The following RLN3 variants were observed in gnomAD, a reference collection of about 807,000 sequenced individuals.
The protein encoded by RLN3 is relaxin 3, also known as relaxin-3.
Under a neutral mutation model 10.2 loss-of-function variants are expected in RLN3, and 13 were observed. The ratio of observed to expected loss-of-function variants is 1.28; its 90% CI spans 0.83 to 2.03. The LOEUF (loss-of-function observed/expected upper bound fraction) is 2.03, where lower values mean the gene tolerates loss of function less well. RLN3 is among the 30% of genes most tolerant of loss of function. The pLI, the probability that RLN3 is intolerant of heterozygous loss-of-function variation, is 0.00. For synonymous variants in RLN3, 56 were observed against 79.2 expected (o/e 0.71, Z 1.56); for missense variants, 191 against 187.2 (o/e 1.02, Z -0.12).
Position 14,031,200 on chromosome 19 carries a change from TCCTGACC to T in RLN3, c.*260_*266del, listed in dbSNP as rs1975802157. 2.0e-6 allele frequency: 1 copy of T among 491,788 alleles called. No homozygotes were observed. The highest frequency in any genetic ancestry group is 3.7e-5 in the Admixed American group (1 of 26,670). The allele number at this position is 491,788 out of a possible 1,614,324, so 30.5% of individuals were successfully genotyped here. On this transcript the variant is annotated 3_prime_UTR_variant, in exon 2 of 2. Coordinates refer to ENST00000431365, the MANE Select transcript of RLN3 (RefSeq NM_080864.4). ...GCCTGGTCAAGTGGGGACCCCCCCA[TCCTGACC>T]CCTGACCTCTCCCCAGCCCTAACCA...
chr19:14,029,321 C>T (rs1351103183), intron 1 of RLN3, among the ~76,000 whole-genome samples: 1 of 151,490 alleles, frequency 6.6e-6, no homozygotes, highest in African/African-American at 2.4e-5. Context: ...GATAGTAGCT[C>T]TACAATGTAA....
intron 1 of RLN3, among the ~76,000 whole-genome samples, chr19:14,029,840 A>T (rs866260014): frequency 5.6e-5 from 7 of 125,626 alleles, no homozygotes; most frequent in African/African-American, 1.7e-4. Context: ...TATTATTATT[A>T]TTTTTGAGAC....
In RLN3 at chr19:14,030,957, C is replaced by T. The variant is rs1975795686; in HGVS notation, c.*9C>T. The T allele has an allele frequency of 1.9e-6, 3 of 1,539,186 alleles. No individual in the cohort carries two copies. Among genetic ancestry groups the T allele is most frequent in the Middle Eastern group, 3.6e-4 (2 of 5,602 alleles). On this transcript the variant is annotated 3_prime_UTR_variant, in exon 2 of 2. Coordinates refer to ENST00000431365, the MANE Select transcript of RLN3 (RefSeq NM_080864.4). Reference sequence around the variant, plus strand: ...TCAGTAGCCTTTGCTAGTTTGAGGGCTGGGCAGCCGTGGGCACCAGGACCA... The same window carrying T: ...TCAGTAGCCTTTGCTAGTTTGAGGGTTGGGCAGCCGTGGGCACCAGGACCA...
In RLN3 at chr19:14,028,197, C is replaced by CG. The variant is rs375330780; in HGVS notation, c.-7dup. On this transcript the variant is annotated 5_prime_UTR_variant, in exon 1 of 2. Transcript: ENST00000431365. Reference sequence around the variant, plus strand: ...CCCACTCTCACGTTCAAAGCATCTCCGTCCAGCATGGCCAGGTACATGCTG... The same window carrying CG: ...CCCACTCTCACGTTCAAAGCATCTCCGGTCCAGCATGGCCAGGTACATGCTG... 9 of 1,565,986 alleles carry CG rather than the reference C, an allele frequency of 5.7e-6. No homozygotes were observed. The African/African-American group carries it at 6.8e-5, about 12-fold the overall frequency.
chr19:14,028,244 G>C lies in RLN3; in HGVS notation c.40G>C (p.Val14Leu). ...YMLLLLLAVW[V>L]LTGELWPGAE... Reference sequence around the variant, plus strand: ...GCTGCTGCTGCTCCTGGCGGTATGGGTGCTGACCGGGGAGCTGTGGCCGGG... The same window carrying C: ...GCTGCTGCTGCTCCTGGCGGTATGGCTGCTGACCGGGGAGCTGTGGCCGGG... Residue 14 changes from valine (V) to leucine (L), a missense_variant, in exon 1 of 2, where the codon GTG (valine) becomes CTG (leucine). Val to Leu is a conservative substitution (Grantham distance 32, BLOSUM62 1). Coordinates refer to ENST00000431365, the MANE Select transcript of RLN3 (RefSeq NM_080864.4). The C allele has an allele frequency of 3.7e-6, 6 of 1,611,596 alleles. No homozygotes were observed. The highest frequency in any genetic ancestry group is 5.1e-6 in the Non-Finnish European group (6 of 1,178,974).
At chr19:14,030,015 G>A (rs941733624) in intron 1 of RLN3, among the ~76,000 whole-genome samples, 1 of 151,710 alleles carries the variant, frequency 6.6e-6, no homozygotes, top group Non-Finnish European at 1.5e-5. Context: ...TAGAGACAGG[G>A]TAGTGCTGTG....
At chr19:14,030,189 T>G (rs1044811546) in intron 1 of RLN3, 1 of 680,412 alleles carries the variant, frequency 1.5e-6, no homozygotes, top group Non-Finnish European at 2.7e-6. Flanking sequence ...TTAATGAATA[T>G]TAACTCCTTA....
Position 14,028,209 on chromosome 19 carries a change from C to A in RLN3, c.5C>A (p.Ala2Asp). Residue 2 changes from alanine to aspartate, a missense_variant, in exon 1 of 2, where the codon GCC becomes GAC. Ala to Asp is a moderately radical substitution (Grantham distance 126). Transcript: ENST00000431365. ...TTCAAAGCATCTCCGTCCAGCATGGCCAGGTACATGCTGCTGCTGCTCCTG... is the reference window on the plus strand; with the variant it reads ...TTCAAAGCATCTCCGTCCAGCATGGACAGGTACATGCTGCTGCTGCTCCTG... M[A>D]RYMLLLLLAV... 1 of 1,587,924 alleles carries A rather than the reference C, an allele frequency of 6.3e-7. No individual in the cohort carries two copies. The highest frequency in any genetic ancestry group is 2.2e-5 in the East Asian group (1 of 44,530).
In RLN3 at chr19:14,028,235, G is replaced by A. The variant is rs769082508; in HGVS notation, c.31G>A (p.Ala11Thr). ...CAGGTACATGCTGCTGCTGCTCCTG[G>A]CGGTATGGGTGCTGACCGGGGAGCT... MARYMLLLLL[A>T]VWVLTGELWP... is the part of the protein sequence containing the mutation. The change falls in exon 1 of 2, where the codon GCG (alanine) becomes ACG (threonine). Residue 11 changes from alanine to threonine, a missense_variant. Ala to Thr is a moderately conservative substitution (Grantham distance 58, BLOSUM62 0). Transcript: ENST00000431365. 3 of 1,607,486 alleles carry A rather than the reference G, an allele frequency of 1.9e-6. No individual in the cohort carries two copies. Among genetic ancestry groups the A allele is most frequent in the African/African-American group, 2.7e-5 (2 of 74,748 alleles).
chr19:14,029,821 T>C (rs1975770546), intron 1 of RLN3, among the ~76,000 whole-genome samples: 1 of 148,914 alleles, frequency 6.7e-6, no homozygotes, highest in Non-Finnish European at 1.5e-5. Flanking sequence ...TTATTATTAT[T>C]ATTATTATTA....
chr19:14,029,643 G>A (rs990033406), intron 1 of RLN3, among the ~76,000 whole-genome samples: 41 of 151,630 alleles, frequency 2.7e-4, no homozygotes, highest in Non-Finnish European at 5.1e-4. Context: ...GAGCCACCGC[G>A]CCCAGCCATG....
chr19:14,029,840 A>ATTATTATTATTATTT (rs1057491579), intron 1 of RLN3, among the ~76,000 whole-genome samples: 3 of 125,588 alleles, frequency 2.4e-5, no homozygotes, highest in Admixed American at 8.2e-5. Context: ...TATTATTATT[A>ATTATTATTATTATTT]TTTTTGAGAC....
chr19:14,029,918 C>T (rs1975772203), intron 1 of RLN3, among the ~76,000 whole-genome samples: 2 of 151,820 alleles, frequency 1.3e-5, no homozygotes, highest in South Asian at 4.2e-4. Flanking sequence ...GCTTCAACCT[C>T]TTGGGCTCAA....
intron 1 of RLN3, 64 bp downstream of exon 1, chr19:14,028,458 A>G (rs919290072): frequency 6.9e-7 from 1 of 1,452,710 alleles, no homozygotes. Flanking sequence ...CCAGGAGCTA[A>G]GGACAGAGAT....
At position 14,030,884 on chromosome 19, in the gene RLN3, C is replaced by T; in HGVS notation, c.365C>T (p.Ala122Val). 3 of 1,603,478 alleles carry T rather than the reference C, an allele frequency of 1.9e-6. No homozygotes were observed. Among genetic ancestry groups the T allele is most frequent in the Non-Finnish European group, 2.6e-6 (3 of 1,173,196 alleles). ...GVLRGSRDVL[A>V]GLSSSCCKWG... ...CTTCGGGGCAGCCGAGATGTCCTGG[C>T]TGGCCTTTCCAGCAGCTGCTGCAAG... is the stretch of plus-strand genomic sequence containing the variant. Residue 122 changes from alanine to valine, a missense_variant, in exon 2 of 2, where the codon GCT becomes GTT. Coordinates refer to ENST00000431365, the MANE Select transcript of RLN3 (RefSeq NM_080864.4).
In RLN3 at chr19:14,031,012, G is replaced by A; in HGVS notation, c.*64G>A. The A allele has an allele frequency of 1.8e-6, 2 of 1,141,104 alleles. No homozygotes were observed. Among genetic ancestry groups the A allele is most frequent in the Non-Finnish European group, 2.5e-6 (2 of 792,620 alleles). 70.7% of individuals were successfully genotyped at this position (1,141,104 alleles called of 1,614,324 possible). On this transcript the variant is annotated 3_prime_UTR_variant, in exon 2 of 2. Coordinates refer to ENST00000431365, the MANE Select transcript of RLN3 (RefSeq NM_080864.4). ...CCCAGTCCTGCCATCCACTCAACTA[G>A]TGTCTGGCTGGGCACCTGTCTTTCG...
rs930968194 is a variant in RLN3, at chr19:14,030,224, T to C, written c.191-486T>C. Reference sequence around the variant, plus strand: ...ATAAAACTTGAGAAGGTTGGAGTAATTATTTTTTTCCACTTTGCAGAAAAG... The same window carrying C: ...ATAAAACTTGAGAAGGTTGGAGTAACTATTTTTTTCCACTTTGCAGAAAAG... On this transcript the variant is annotated intron_variant, in intron 1 of 1. Coordinates refer to ENST00000431365, the MANE Select transcript of RLN3 (RefSeq NM_080864.4). 4 of 700,612 alleles carry C rather than the reference T, an allele frequency of 5.7e-6. No individual in the cohort carries two copies. In the African/African-American group the frequency reaches 7.0e-5, roughly 12 times the overall value. 43.4% of individuals were successfully genotyped at this position (700,612 alleles called of 1,614,324 possible).
rs777676217 is a variant in RLN3 at position 14,030,805 on chromosome 19, T to G, written c.286T>G (p.Ser96Ala). The G allele has an allele frequency of 3.1e-6, 5 of 1,614,130 alleles. No individual in the cohort carries two copies. Among genetic ancestry groups the G allele is most frequent in the Non-Finnish European group, 3.4e-6 (4 of 1,180,020 alleles). Residue 96 changes from serine to alanine, a missense_variant, in exon 2 of 2, where the codon TCA (serine) becomes GCA (alanine). Transcript: ENST00000431365. ...CAGCGAGTGGCTGGCCCTGACCAAG[T>G]CACCCCAGGCCTTTTACAGGGGGCG... is the stretch of plus-strand genomic sequence containing the variant. ...GSSEWLALTK[S>A]PQAFYRGRPS...
Position 14,030,748 on chromosome 19 carries a change from C to T in RLN3, c.229C>T (p.Leu77=). The T allele has an allele frequency of 6.2e-7, 1 of 1,614,228 alleles. No individual in the cohort carries two copies. Among genetic ancestry groups the T allele is most frequent in the South Asian group, 1.1e-5 (1 of 91,088 alleles). The change falls in exon 2 of 2, where the codon CTG becomes TTG. Residue 77 remains leucine (L), a synonymous_variant. Coordinates refer to ENST00000431365, the MANE Select transcript of RLN3 (RefSeq NM_080864.4). The stretch of plus-strand genomic sequence containing the variant: ...GGATGCAGATGCTGATGAAGACAGT[C>T]TGGCAGGCGAGCTGGATGAGGCCAT... ...FPDADADEDS[L]AGELDEAMGS...
Sources: gnomAD v4.1 joint callset for allele counts (sites outside exome capture counted in the v4.1 genomes callset) on GRCh38, gnomAD v4.1.1 for gene constraint, MANE v1.5 for transcripts, NCBI Gene and HGNC (gene_info 2026-07-23, HGNC 2026-07-21) for gene names.